CAMTA1: variants seen among roughly 807,000 people sequenced by gnomAD.
The protein encoded by CAMTA1 is calmodulin-binding transcription activator 1.
Under a neutral mutation model 170.9 loss-of-function variants are expected in CAMTA1, and 27 were observed. The observed-to-expected ratio is 0.16, with a 90% CI of 0.12 to 0.22. CAMTA1 has a LOEUF of 0.22. Among genes scored for constraint, CAMTA1 ranks in the 10% least tolerant of loss-of-function variants. CAMTA1 has a pLI of 1.00. For missense variants in CAMTA1, 1,619 were observed against 2,217.2 expected, an observed-to-expected ratio of 0.73 and a Z score of 5.42; for synonymous variants, 833 against 891.5, an observed-to-expected ratio of 0.93 and a Z score of 1.17.
intron 3 of CAMTA1, among the ~76,000 whole-genome samples, chr1:6,954,417 G>A (rs1025030828): frequency 2.6e-5 from 4 of 152,322 alleles, no homozygotes; most frequent in East Asian, 1.9e-4. Flanking sequence ...ATAAACCATA[G>A]TGCTATCCCC....
chr1:7,152,141 C>G (rs1335975596), intron 4 of CAMTA1, among the ~76,000 whole-genome samples: 1 of 152,194 alleles, frequency 6.6e-6, no homozygotes, highest in Non-Finnish European at 1.5e-5. Flanking sequence ...CAGTCATTAG[C>G]TCTGACCTCA....
chr1:7,608,044 G>A (rs996965027), intron 6 of CAMTA1, among the ~76,000 whole-genome samples: 1 of 152,146 alleles, frequency 6.6e-6, no homozygotes, highest in East Asian at 1.9e-4. Context: ...TTCCTCCTGA[G>A]CCCCTGTCCT....
At position 6,823,484 on chromosome 1, in the gene CAMTA1, T is replaced by A. The variant is rs933433014; in HGVS notation, c.116-1608T>A. ...TAGGTTTTTAAAGTTTTTATACTGC[T>A]TATAGAAATAGAGGATGGGTATTAT... is the stretch of plus-strand genomic sequence containing the variant. On this transcript the variant is annotated intron_variant, in intron 2 of 22. Coordinates refer to ENST00000303635, the MANE Select transcript of CAMTA1 (RefSeq NM_015215.4). Among the ~76,000 whole-genome samples, 42 of 152,316 alleles carry A rather than the reference T, an allele frequency of 2.8e-4. No homozygotes were observed. In the Middle Eastern group the frequency reaches 0.014, roughly 49 times the overall value.
intron 11 of CAMTA1, among the ~76,000 whole-genome samples, chr1:7,726,144 T>C (rs2096684500): frequency 6.6e-6 from 1 of 152,252 alleles, no homozygotes; most frequent in East Asian, 1.9e-4. Context: ...CCCAGAGGGG[T>C]TAAGAGTTGG....
chr1:7,002,948 G>A (rs1028471528), intron 3 of CAMTA1, among the ~76,000 whole-genome samples: 1 of 152,214 alleles, frequency 6.6e-6, no homozygotes, highest in African/African-American at 2.4e-5. Context: ...GCGCAAAGAA[G>A]CCATGAGGAC....
rs1557821083 is a variant in CAMTA1 at position 7,499,021 on chromosome 1, TGAG to T, written c.510+31121_510+31123del. ...ATGAGTGTGTGTGCATGTGTGTCCA[TGAG>T]TGAGTGTGTAGAGAGGATTGTGTGA... On this transcript the variant is annotated intron_variant, in intron 6 of 22. Coordinates refer to ENST00000303635, the MANE Select transcript of CAMTA1 (RefSeq NM_015215.4). Among the ~76,000 whole-genome samples the T allele has an allele frequency of 2.4e-4, 6 of 25,410 alleles. No homozygotes were observed. In the African/African-American group the frequency reaches 2.7e-3, roughly 11 times the overall value. The allele number at this position is 25,410 out of a possible 152,430, so 16.7% of individuals were successfully genotyped here. A position where few individuals can be genotyped will look rare whatever the true frequency, so the allele number is the denominator to read the frequency against.
intron 6 of CAMTA1, among the ~76,000 whole-genome samples, chr1:7,583,005 T>C (rs2095274630): frequency 6.6e-6 from 1 of 151,878 alleles, no homozygotes; most frequent in African/African-American, 2.4e-5. Flanking sequence ...AAGTGTGGTC[T>C]CCTTGGCCTG....
rs139981339 is a variant in CAMTA1 at position 7,350,250 on chromosome 1, G to A, written c.438+100624G>A. 2.2e-4 allele frequency among the ~76,000 whole-genome samples: 34 copies of A among 152,248 alleles called. No individual in the cohort carries two copies. In the East Asian group the frequency reaches 5.0e-3, roughly 23 times the overall value. Reference sequence around the variant, plus strand: ...CTCATTGGCAGGAACAGTGGATGCCGGATTCTCTCTGTGTCCTAGAGCCCC... The same window carrying A: ...CTCATTGGCAGGAACAGTGGATGCCAGATTCTCTCTGTGTCCTAGAGCCCC... On this transcript the variant is annotated intron_variant, in intron 5 of 22. Coordinates refer to ENST00000303635, the MANE Select transcript of CAMTA1 (RefSeq NM_015215.4).
intron 6 of CAMTA1, among the ~76,000 whole-genome samples, chr1:7,494,459 T>C (rs1575611278): frequency 6.6e-6 from 1 of 151,966 alleles, no homozygotes; most frequent in Non-Finnish European, 1.5e-5. Context: ...GTTGAAACCA[T>C]GAGCGGGAAG....
chr1:7,491,318 C>T (rs2093699824), intron 6 of CAMTA1, among the ~76,000 whole-genome samples: 1 of 152,162 alleles, frequency 6.6e-6, no homozygotes, highest in South Asian at 2.1e-4. Context: ...AGGACGGGCA[C>T]GGGTGAACTC....
At position 6,990,813 on chromosome 1, in the gene CAMTA1, ATATATATT is replaced by A. The variant is rs1221322178; in HGVS notation, c.235-100483_235-100476del. On this transcript the variant is annotated intron_variant, in intron 3 of 22. Coordinates refer to ENST00000303635, the MANE Select transcript of CAMTA1 (RefSeq NM_015215.4). ...TCTCTCTCTCTCTCTCTCTATATAT[ATATATATT>A]TATATATATATGTGTGTGTGTGTTT... is the stretch of plus-strand genomic sequence containing the variant. 2.2e-3 allele frequency among the ~76,000 whole-genome samples: 324 copies of A among 150,390 alleles called. 2 individuals are homozygous for A. The highest frequency in any genetic ancestry group is 6.9e-3 in the Middle Eastern group (2 of 288).
In CAMTA1 at chr1:7,463,856, G is replaced by T. The variant is rs2093150531; in HGVS notation, c.439-3974G>T. Among the ~76,000 whole-genome samples, 1 of 152,198 alleles carries T rather than the reference G, an allele frequency of 6.6e-6. No individual in the cohort carries two copies. The highest frequency in any genetic ancestry group is 2.4e-5 in the African/African-American group (1 of 41,462). On this transcript the variant is annotated intron_variant, in intron 5 of 22. Coordinates refer to ENST00000303635, the MANE Select transcript of CAMTA1 (RefSeq NM_015215.4). This position sits in a 1 kb window ranked among gnomAD's most constrained non-coding sequence, Gnocchi z 4.7. ...GTGTGGGACCCCCACTGCGTTTGAG[G>T]GGGCTCTGCGGCCATGCTCCCTTCA...
chr1:7,356,861 G>A (rs148571365), intron 5 of CAMTA1, among the ~76,000 whole-genome samples: 21 of 152,288 alleles, frequency 1.4e-4, no homozygotes, highest in African/African-American at 4.8e-4. Context: ...GATTAGGTGG[G>A]CATAGTACCT....
chr1:6,861,234 G>A (rs1334370525), intron 3 of CAMTA1, among the ~76,000 whole-genome samples: 1 of 152,108 alleles, frequency 6.6e-6, no homozygotes, highest in African/African-American at 2.4e-5. Context: ...GGGATTACAG[G>A]CATGAGCCAC....
At chr1:6,900,108 T>G (rs1676605535) in intron 3 of CAMTA1, among the ~76,000 whole-genome samples, 1 of 152,234 alleles carries the variant, frequency 6.6e-6, no homozygotes, top group Non-Finnish European at 1.5e-5. Flanking sequence ...AGAGATCACT[T>G]TACCAGAAGC....
intron 6 of CAMTA1, among the ~76,000 whole-genome samples, chr1:7,596,599 G>T (rs1027586536): frequency 2.0e-5 from 3 of 152,208 alleles, no homozygotes; most frequent in African/African-American, 7.2e-5. Context: ...ACAGGTGCCT[G>T]CTCCTCAGAT....
At chr1:7,558,024 C>T (rs1237949950) in intron 6 of CAMTA1, among the ~76,000 whole-genome samples, 1 of 152,188 alleles carries the variant, frequency 6.6e-6, no homozygotes, top group African/African-American at 2.4e-5. Context: ...CTCGCCTCTG[C>T]CATTCCCGGC....
intron 5 of CAMTA1, among the ~76,000 whole-genome samples, chr1:7,260,678 G>A (rs538494343): frequency 7.9e-5 from 12 of 152,330 alleles, no homozygotes; most frequent in East Asian, 3.9e-4. Context: ...ATCTTTAGGC[G>A]TGCAGTGCTT....
At chr1:6,986,623 G>A (rs568433537) in intron 3 of CAMTA1, among the ~76,000 whole-genome samples, 45 of 152,256 alleles carry the variant, frequency 3.0e-4, no homozygotes, top group African/African-American at 1.1e-3. Flanking sequence ...ACTGTGAGGC[G>A]AGTGCTGGGG....
Sources: allele counts gnomAD v4.1 joint callset (sites outside exome capture counted in the v4.1 genomes callset), GRCh38; gene constraint gnomAD v4.1.1; non-coding constraint Gnocchi (gnomAD v3.1); transcripts MANE v1.5; gene names NCBI Gene and HGNC (gene_info 2026-07-23, HGNC 2026-07-21).